The following RRM2 variants were observed in gnomAD, a reference collection of about 807,000 sequenced individuals.
RRM2 encodes the protein ribonucleoside-diphosphate reductase subunit M2.
In RRM2, 6 loss-of-function variants were observed where a neutral mutation model predicts 45.9. The ratio of observed to expected loss-of-function variants is 0.13; its 90% confidence interval spans 0.07 to 0.26. RRM2 has a LOEUF of 0.26. Among genes scored for constraint, RRM2 ranks in the 10% least tolerant of loss-of-function variants. The pLI, the probability that RRM2 is intolerant of heterozygous loss-of-function variation, is 1.00. For missense variants in RRM2, 343 were observed against 489.5 expected (o/e 0.70, Z 2.82); for synonymous variants, 177 against 173.0 (o/e 1.02, Z -0.18).
chr2:10,171,376 T>C lies in RRM2; in HGVS notation n.482+29001T>C, dbSNP rs1386311994. Among the ~76,000 whole-genome samples the C allele has an allele frequency of 6.6e-6, 1 of 152,166 alleles. No homozygotes were observed. Among genetic ancestry groups the C allele is most frequent in the African/African-American group, 2.4e-5 (1 of 41,446 alleles). On this transcript the variant is annotated intron_variant and non_coding_transcript_variant, in intron 3 of 3. Coordinates refer to the RRM2 transcript ENST00000381786. The surrounding 1 kb of genome is among the most constrained non-coding windows in gnomAD (Gnocchi z 4.1). The stretch of plus-strand genomic sequence containing the variant: ...CAGTGGCACCAGTGGGCTGAGAAAC[T>C]GTCGGGTTTGGCTGCTGCTGTTGTC...
At chr2:10,144,252 C>T (rs539079761) in intron 3 of RRM2, among the ~76,000 whole-genome samples, 2 of 152,282 alleles carry the variant, frequency 1.3e-5, no homozygotes, top group East Asian at 3.9e-4. Context: ...CAGCAGGAGC[C>T]GGCGTCTGAG....
At chr2:10,128,429 A>C (rs1662827997) in intron 7 of RRM2, among the ~76,000 whole-genome samples, 1 of 152,230 alleles carries the variant, frequency 6.6e-6, no homozygotes, top group Non-Finnish European at 1.5e-5. Context: ...GTAACTTGCA[A>C]ACTTGATTTA....
At chr2:10,151,015 A>T (rs1393850798) in intron 3 of RRM2, among the ~76,000 whole-genome samples, 1 of 151,946 alleles carries the variant, frequency 6.6e-6, no homozygotes, top group East Asian at 1.9e-4. Flanking sequence ...GGGTTTCACC[A>T]TGTTGGCCAG....
chr2:10,194,356 T>TG (rs1416890128), intron 3 of RRM2, among the ~76,000 whole-genome samples: 3 of 152,200 alleles, frequency 2.0e-5, no homozygotes, highest in Non-Finnish European at 2.9e-5. Context: ...GGCGGGGCTC[T>TG]GGGGGTAAGG....
intron 2 of RRM2, 93 bp downstream of exon 2, chr2:10,123,150 C>G: frequency 7.1e-7 from 1 of 1,401,276 alleles, no homozygotes; most frequent in Non-Finnish European, 9.5e-7. Flanking sequence ...CACACTCCCG[C>G]CCCGGCTCCT....
At chr2:10,135,887 A>G (rs1662981622), downstream of RRM2, among the ~76,000 whole-genome samples, 1 of 152,008 alleles carries the variant, frequency 6.6e-6, no homozygotes, top group African/African-American at 2.4e-5. Context: ...CCAGGGACTG[A>G]TGAGTCCTGG....
At chr2:10,210,638 A>G in exon 4 of RRM2, 1 of 1,345,990 alleles carries the variant, frequency 7.4e-7, no homozygotes, top group Non-Finnish European at 9.9e-7. Context: ...ACTGCCTCTC[A>G]TGCCGGAGTG....
At chr2:10,192,750 A>AC (rs56228505) in intron 3 of RRM2, 15 of 151,758 alleles carry the variant, frequency 9.9e-5, no homozygotes, top group Non-Finnish European at 7.4e-5. Flanking sequence ...CTGCCACTCC[A>AC]CCCCCCCCTG....
upstream of RRM2, among the ~76,000 whole-genome samples, chr2:10,138,663 T>C (rs1349235446): frequency 1.3e-5 from 2 of 152,254 alleles, no homozygotes; most frequent in African/African-American, 2.4e-5. Context: ...TATGAAACGG[T>C]TGGGGACATC....
At chr2:10,183,914 C>T (rs541020895) in intron 3 of RRM2, among the ~76,000 whole-genome samples, 1 of 151,768 alleles carries the variant, frequency 6.6e-6, no homozygotes, top group Admixed American at 6.6e-5. Context: ...ATGGTGAAAC[C>T]CTGTCTCTAC....
chr2:10,178,520 G>GCCAC (rs1663979434), intron 3 of RRM2, among the ~76,000 whole-genome samples: 1 of 152,096 alleles, frequency 6.6e-6, no homozygotes, highest in South Asian at 2.1e-4. Context: ...ACTGTGCCTG[G>GCCAC]CCACCCCTCC....
Position 10,185,623 on chromosome 2 carries a change from A to G in RRM2, n.483-24688A>G, listed in dbSNP as rs1193414501. Among the ~76,000 whole-genome samples the G allele has an allele frequency of 6.6e-6, 1 of 152,104 alleles. No individual in the cohort carries two copies. Among genetic ancestry groups the G allele is most frequent in the African/African-American group, 2.4e-5 (1 of 41,396 alleles). ...ATGACTCTGTTCTCAAGTGTACTGG[A>G]TACATTCTTGAAAATACTCTTGAAC... On this transcript the variant is annotated intron_variant and non_coding_transcript_variant, in intron 3 of 3. Coordinates refer to the RRM2 transcript ENST00000381786. The surrounding 1 kb of genome is among the most constrained non-coding windows in gnomAD (Gnocchi z 4.3).
At position 10,204,077 on chromosome 2, in the gene RRM2, T is replaced by C. The variant is rs1664621448; in HGVS notation, n.483-6234T>C. Among the ~76,000 whole-genome samples, 1 of 151,952 alleles carries C rather than the reference T, an allele frequency of 6.6e-6. No homozygotes were observed. The highest frequency in any genetic ancestry group is 2.4e-5 in the African/African-American group (1 of 41,350). On this transcript the variant is annotated intron_variant and non_coding_transcript_variant, in intron 3 of 3. Transcript: ENST00000381786. This position sits in a 1 kb window ranked among gnomAD's most constrained non-coding sequence, Gnocchi z 4.0. ...ATACTTTAGCCTTCTAGCACACTCC[T>C]CTCTTCCCCTAAAATTAGCCAAGAG...
intron 7 of RRM2, among the ~76,000 whole-genome samples, chr2:10,128,543 A>G (rs919503012): frequency 3.9e-5 from 6 of 152,242 alleles, no homozygotes. Context: ...TCATGGCTGT[A>G]GAAAGATCAC....
intron 3 of RRM2, among the ~76,000 whole-genome samples, chr2:10,194,357 G>A (rs1249594935): frequency 6.6e-6 from 1 of 152,222 alleles, no homozygotes; most frequent in African/African-American, 2.4e-5. Context: ...GCGGGGCTCT[G>A]GGGGTAAGGC....
At chr2:10,190,839 G>A (rs1323338317) in intron 3 of RRM2, among the ~76,000 whole-genome samples, 4 of 151,846 alleles carry the variant, frequency 2.6e-5, no homozygotes, top group Non-Finnish European at 5.9e-5. Context: ...GGTGATGATG[G>A]TGATGGCAGA....
intron 3 of RRM2, among the ~76,000 whole-genome samples, chr2:10,207,896 A>G (rs903086672): frequency 7.9e-5 from 12 of 152,082 alleles, no homozygotes; most frequent in Non-Finnish European, 1.3e-4. Context: ...GGCCACCGAG[A>G]TATCTCCAGG....
At position 10,204,618 on chromosome 2, in the gene RRM2, G is replaced by GGCCATTAGGGACAGGACGCTAAT. The variant is rs1385130254; in HGVS notation, n.483-5690_483-5668dup. On this transcript the variant is annotated intron_variant and non_coding_transcript_variant, in intron 3 of 3. Transcript: ENST00000381786. This position sits in a 1 kb window ranked among gnomAD's most constrained non-coding sequence, Gnocchi z 4.0. ...GGAGCAGCTAGCTGGGAGCATCCGA[G>GGCCATTAGGGACAGGACGCTAAT]GCCATTAGGGACAGGACGCTAATGC... Among the ~76,000 whole-genome samples, 28 of 152,272 alleles carry GGCCATTAGGGACAGGACGCTAAT rather than the reference G, an allele frequency of 1.8e-4. No homozygotes were observed. Among genetic ancestry groups the GGCCATTAGGGACAGGACGCTAAT allele is most frequent in the African/African-American group, 6.8e-4 (28 of 41,478 alleles).
chr2:10,161,285 C>G (rs1314282853), intron 3 of RRM2, among the ~76,000 whole-genome samples: 3 of 152,190 alleles, frequency 2.0e-5, no homozygotes, highest in African/African-American at 7.2e-5. Context: ...TCTTGAACTC[C>G]TGAGCTCAAG....
Sources: allele counts gnomAD v4.1 joint callset (sites outside exome capture counted in the v4.1 genomes callset), GRCh38; gene constraint gnomAD v4.1.1; non-coding constraint Gnocchi (gnomAD v3.1); transcripts MANE v1.5; gene names NCBI Gene and HGNC (gene_info 2026-07-23, HGNC 2026-07-21).